The following NUP160 variants were observed in gnomAD, a reference collection of about 807,000 sequenced individuals.
The protein encoded by NUP160 is nucleoporin 160, also known as nuclear pore complex protein Nup160.
In NUP160, 94 loss-of-function variants were observed where a neutral mutation model predicts 196.9. The observed-to-expected ratio is 0.48, with a 90% CI of 0.40 to 0.57. NUP160 has a LOEUF of 0.57. NUP160 is among the 20% of genes least tolerant of loss of function. The pLI is 0.00. For synonymous variants in NUP160, 605 were observed against 619.7 expected (o/e 0.98, Z 0.35); for missense variants, 1,638 against 1,748.3 (o/e 0.94, Z 1.13).
intron 31 of NUP160, 35 bp downstream of exon 31, chr11:47,788,147 T>C (rs765237313): frequency 6.4e-7 from 1 of 1,565,338 alleles, no homozygotes; most frequent in African/African-American, 1.4e-5. Flanking sequence ...ATATTTGCAT[T>C]AGAAAAGACT....
intron 2 of NUP160, among the ~76,000 whole-genome samples, chr11:47,845,268 G>A (rs1211513491): frequency 2.0e-5 from 3 of 152,172 alleles, no homozygotes; most frequent in Non-Finnish European, 4.4e-5. Context: ...AGCCTCCCAA[G>A]TAGCTGGGAT....
intron 4 of NUP160, among the ~76,000 whole-genome samples, chr11:47,839,032 T>C (rs1192986957): frequency 6.6e-6 from 1 of 151,460 alleles, no homozygotes; most frequent in Non-Finnish European, 1.5e-5. Context: ...AAAGAAAAGT[T>C]GTGTCATGTC....
Position 47,843,009 on chromosome 11 carries a change from T to C in NUP160, c.315-2421A>G, listed in dbSNP as rs145586920. Reference sequence around the variant, plus strand: ...CTCTAAAAAAAAACAAACAAACAAATGAATAAACAATATCCAATTATCCTA... The same window carrying C: ...CTCTAAAAAAAAACAAACAAACAAACGAATAAACAATATCCAATTATCCTA... On this transcript the variant is annotated intron_variant, in intron 2 of 35. Coordinates refer to ENST00000378460, the Ensembl canonical transcript of NUP160. Among the ~76,000 whole-genome samples, 349 of 152,028 alleles carry C rather than the reference T, an allele frequency of 2.3e-3. 5 individuals carry two copies. The highest frequency in any genetic ancestry group is 3.3e-3 in the Admixed American group (51 of 15,266).
intron 4 of NUP160, among the ~76,000 whole-genome samples, chr11:47,839,279 C>T (rs1230368529): frequency 5.3e-5 from 8 of 152,042 alleles, no homozygotes; most frequent in South Asian, 4.1e-4. Context: ...TTAGTAGAGA[C>T]GGGGTTTCTC....
At position 47,813,156 on chromosome 11, in the gene NUP160, TCA is replaced by T. The variant is rs1409428442; in HGVS notation, c.1787-111_1787-110del. 1.5e-5 allele frequency: 15 copies of T among 1,002,494 alleles called. No individual in the cohort carries two copies. In the South Asian group the frequency reaches 2.0e-4, roughly 13 times the overall value. 62.1% of individuals were successfully genotyped at this position (1,002,494 alleles called of 1,614,324 possible). On this transcript the variant is annotated intron_variant, in intron 14 of 35. Transcript: ENST00000378460. ...AATGACAAGAAATCTATCTGAGGTC[TCA>T]GAGATGCTTTGGTCTCTTAAGTGTT...
intron 13 of NUP160, among the ~76,000 whole-genome samples, chr11:47,814,330 C>G (rs1197021905): frequency 2.6e-5 from 4 of 151,726 alleles, no homozygotes; most frequent in Non-Finnish European, 5.9e-5. Flanking sequence ...CACCTGAGCC[C>G]AGGAATTTGA....
intron 29 of NUP160, among the ~76,000 whole-genome samples, chr11:47,788,994 A>G (rs2097666389): frequency 6.6e-6 from 1 of 151,740 alleles, no homozygotes; most frequent in East Asian, 1.9e-4. Flanking sequence ...CTCCTGCCTC[A>G]GCCTTCCGAG....
intron 3 of NUP160, 23 bp downstream of exon 3, chr11:47,840,354 AG>A: frequency 1.3e-6 from 2 of 1,581,234 alleles, no homozygotes; most frequent in Non-Finnish European, 1.7e-6. Context: ...GGGAAATAAA[AG>A]ATATTGCACT....
At chr11:47,827,443 A>G (rs530574566) in intron 7 of NUP160, among the ~76,000 whole-genome samples, 1 of 152,228 alleles carries the variant, frequency 6.6e-6, no homozygotes, top group Non-Finnish European at 1.5e-5. Flanking sequence ...CATTATACTT[A>G]ATGGTGAAAC....
intron 2 of NUP160, among the ~76,000 whole-genome samples, chr11:47,842,930 T>C (rs1417966347): frequency 6.6e-6 from 1 of 152,016 alleles, no homozygotes; most frequent in African/African-American, 2.4e-5. Flanking sequence ...CGGGCTGCAG[T>C]AGGCCATGAC....
At chr11:47,779,026 T>C (rs1379185316) in exon 36 of NUP160, 1 of 1,012,192 alleles carries the variant, frequency 9.9e-7, no homozygotes, top group South Asian at 1.3e-5. Flanking sequence ...AAAATCGGCC[T>C]TGAGTACAGG....
At chr11:47,809,937 G>T (rs2097680158) in intron 17 of NUP160, among the ~76,000 whole-genome samples, 1 of 151,848 alleles carries the variant, frequency 6.6e-6, no homozygotes, top group Non-Finnish European at 1.5e-5. Flanking sequence ...CAAAATTTAA[G>T]TAGTAATCAC....
At position 47,819,156 on chromosome 11, in the gene NUP160, T is replaced by C. The variant is rs540945894; in HGVS notation, c.1362+218A>G. Reference sequence around the variant, plus strand: ...TGGTGAAACCCCGTCTCTACAAAAGTACAAAAATTAGCTGGGTGTGGTGGT... The same window carrying C: ...TGGTGAAACCCCGTCTCTACAAAAGCACAAAAATTAGCTGGGTGTGGTGGT... On this transcript the variant is annotated intron_variant, in intron 10 of 35. Transcript: ENST00000378460. Among the ~76,000 whole-genome samples the C allele has an allele frequency of 2.4e-4, 36 of 151,726 alleles. No homozygotes were observed. In the South Asian group the frequency reaches 7.5e-3, roughly 32 times the overall value.
At chr11:47,846,461 T>C (rs890403616) in intron 2 of NUP160, among the ~76,000 whole-genome samples, 28 of 152,170 alleles carry the variant, frequency 1.8e-4, no homozygotes, top group Non-Finnish European at 1.5e-5. Context: ...TCTCTGTAAA[T>C]GGCAACCCCT....
intron 27 of NUP160, among the ~76,000 whole-genome samples, chr11:47,795,981 G>A (rs745996713): frequency 5.3e-5 from 8 of 151,832 alleles, no homozygotes; most frequent in Non-Finnish European, 7.4e-5. Flanking sequence ...GTGAAACCCC[G>A]TCTCTACTAA....
At position 47,801,940 on chromosome 11, in the gene NUP160, TA is replaced by T. The variant is rs1168259055; in HGVS notation, c.2776-11del. On this transcript the variant is annotated splice_polypyrimidine_tract_variant and intron_variant, in intron 22 of 35. Transcript: ENST00000378460. ...AAAAACATTCCAGAGCCTGGAGAAA[TA>T]AAATATAAAATGACTTGTAACAGAT... 8 of 1,613,102 alleles carry T rather than the reference TA, an allele frequency of 5.0e-6. No individual in the cohort carries two copies. Among genetic ancestry groups the T allele is most frequent in the Admixed American group, 1.7e-5 (1 of 59,896 alleles).
chr11:47,797,658 A>T, intron 27 of NUP160, 121 bp downstream of exon 27: 1 of 688,382 alleles, frequency 1.5e-6, no homozygotes, highest in Non-Finnish European at 2.6e-6. Flanking sequence ...CACAAGGTTT[A>T]AGCTAATCTT....
intron 13 of NUP160, among the ~76,000 whole-genome samples, chr11:47,814,468 T>C (rs1380195701): frequency 6.7e-6 from 1 of 149,086 alleles, no homozygotes; most frequent in Non-Finnish European, 1.5e-5. Context: ...TTGAACTCAG[T>C]AGGCGGAGGT....
intron 7 of NUP160, among the ~76,000 whole-genome samples, chr11:47,834,793 C>T (rs1183128835): frequency 6.6e-6 from 1 of 152,072 alleles, no homozygotes; most frequent in African/African-American, 2.4e-5. Flanking sequence ...AGAAGACTGT[C>T]CACATTTGGG....
Sources: gnomAD v4.1 joint callset for allele counts (sites outside exome capture counted in the v4.1 genomes callset) on GRCh38, gnomAD v4.1.1 for gene constraint, MANE v1.5 for transcripts, NCBI Gene and HGNC (gene_info 2026-07-23, HGNC 2026-07-21) for gene names.